SF3B1: variants seen among roughly 807,000 people sequenced by gnomAD.
The protein encoded by SF3B1 is splicing factor 3b subunit 1, also known as pre-mRNA processing 10.
SF3B1 carries 12 observed loss-of-function variants against 153.8 expected under a neutral mutation model. That is an observed-to-expected ratio of 0.08 (90% confidence interval 0.05 to 0.13). SF3B1 has a LOEUF of 0.13. SF3B1 is among the 10% of genes least tolerant of loss of function. The pLI is 1.00. For synonymous variants in SF3B1, 498 were observed against 525.2 expected (o/e 0.95, Z 0.71); for missense variants, 513 against 1,606.1 (o/e 0.32, Z 11.63).
At chr2:197,403,533 C>A (rs913173505) in intron 12 of SF3B1, 52 bp downstream of exon 12, 15 of 1,236,392 alleles carry the variant, frequency 1.2e-5, no homozygotes, top group East Asian at 7.9e-5. Flanking sequence ...CATTGATTAA[C>A]TGAAAAAGTT....
Position 197,412,756 on chromosome 2 carries a change from G to A in SF3B1, c.667-2749C>T, listed in dbSNP as rs187212158. ...TCCCAGCACCTTGGGAGGCCAAGGC[G>A]GGTGGGTCACCTGAGGTTGGGAGTT... On this transcript the variant is annotated intron_variant, in intron 6 of 24. Transcript: ENST00000335508. 1.8e-4 allele frequency among the ~76,000 whole-genome samples: 27 copies of A among 151,238 alleles called. No individual in the cohort carries two copies. In the East Asian group the frequency reaches 3.4e-3, roughly 19 times the overall value.
intron 24 of SF3B1, 46 bp downstream of exon 24, chr2:197,392,926 T>C: frequency 9.0e-7 from 1 of 1,106,680 alleles, no homozygotes; most frequent in Non-Finnish European, 1.3e-6. Context: ...TAAAGTATTA[T>C]TTAAAAAAAA....
intron 4 of SF3B1, chr2:197,419,596 G>C (rs2085208407): frequency 4.5e-6 from 1 of 224,412 alleles, no homozygotes; most frequent in Non-Finnish European, 8.9e-6. Flanking sequence ...AGGATGTGTT[G>C]AACTGCACCC....
rs558644461 is a variant in SF3B1, at chr2:197,431,104, C to CTT, written c.28+3866_28+3867dup. On this transcript the variant is annotated intron_variant, in intron 1 of 24. Coordinates refer to ENST00000335508, the MANE Select transcript of SF3B1 (RefSeq NM_012433.4). ...GATTTCCCCTCCTGTGCCTTTTCTTCTTTTTTTTTTTTTTTTTTTTTTTTT... is the reference window on the plus strand; with the variant it reads ...GATTTCCCCTCCTGTGCCTTTTCTTCTTTTTTTTTTTTTTTTTTTTTTTTTTT... Among the ~76,000 whole-genome samples, 181 of 73,712 alleles carry CTT rather than the reference C, an allele frequency of 2.5e-3. 9 individuals carry two copies. The highest frequency in any genetic ancestry group is 3.5e-3 in the Non-Finnish European group (146 of 41,232). The allele number at this position is 73,712 out of a possible 152,430, so 48.4% of individuals were successfully genotyped here.
Position 197,408,455 on chromosome 2 carries a change from C to A in SF3B1, c.1031G>T (p.Ser344Ile), listed in dbSNP as rs1242817545. 3 of 1,613,968 alleles carry A rather than the reference C, an allele frequency of 1.9e-6. No homozygotes were observed. Among genetic ancestry groups the A allele is most frequent in the Non-Finnish European group, 2.5e-6 (3 of 1,180,030 alleles). The change falls in exon 8 of 25, where the codon AGT (serine) becomes ATT (isoleucine). Residue 344 changes from serine to isoleucine, a missense_variant. This residue lies in a region of SF3B1 where 91 missense variants were observed against 157.4 expected (regional missense o/e 0.58). Coordinates refer to ENST00000335508, the MANE Select transcript of SF3B1 (RefSeq NM_012433.4). ...AACTGGAGTGCTTCCACCCATCTGA[C>A]TAGCTGGTGTTTCATCCCACCGTGA... Reference protein sequence around the residue: ...RKSRWDETPASQMGGSTPVLT... With the variant: ...RKSRWDETPAIQMGGSTPVLT...
At chr2:197,399,053 A>G in intron 20 of SF3B1, 1 of 1,300,670 alleles carries the variant, frequency 7.7e-7, no homozygotes, top group Non-Finnish European at 1.0e-6. Context: ...GAAGAGAGAA[A>G]AAAGGAGGCA....
chr2:197,434,646 T>C (rs1257524280), intron 1 of SF3B1, among the ~76,000 whole-genome samples: 2 of 152,144 alleles, frequency 1.3e-5, no homozygotes, highest in African/African-American at 4.8e-5. Flanking sequence ...AGTGAGACCT[T>C]CTCCCCACGC....
chr2:197,403,823 GCAAATTACT>G, intron 11 of SF3B1, 59 bp from the exon 12 acceptor site: 1 of 1,251,092 alleles, frequency 8.0e-7, no homozygotes, highest in Non-Finnish European at 1.1e-6. Context: ...TTTTGAATGA[GCAAATTACT>G]CAAAGAAGAT....
chr2:197,418,945 T>A (rs199913219), intron 4 of SF3B1: 2 of 1,599,172 alleles, frequency 1.3e-6, no homozygotes, highest in East Asian at 4.5e-5. Context: ...AGCAGCAGAA[T>A]AGAAGCCTAG....
chr2:197,420,615 A>G lies in SF3B1; in HGVS notation c.301-73T>C, dbSNP rs2085225082. 6.4e-6 allele frequency: 6 copies of G among 938,392 alleles called. No homozygotes were observed. In the East Asian group the frequency reaches 1.5e-4, roughly 23 times the overall value. 58.1% of individuals were successfully genotyped at this position (938,392 alleles called of 1,614,324 possible). ...AAACAGAATATCATAAACAAAAATC[A>G]GAACACCATAAAGCACAAATGTTTA... On this transcript the variant is annotated intron_variant, in intron 3 of 24. Coordinates refer to ENST00000335508, the MANE Select transcript of SF3B1 (RefSeq NM_012433.4).
intron 5 of SF3B1, 85 bp from the exon 6 acceptor site, chr2:197,416,996 T>G: frequency 7.6e-7 from 1 of 1,323,626 alleles, no homozygotes. Context: ...CTTAACATCC[T>G]ATTTTATACT....
At chr2:197,412,943 C>T (rs1361216838) in intron 6 of SF3B1, among the ~76,000 whole-genome samples, 1 of 123,596 alleles carries the variant, frequency 8.1e-6, no homozygotes, top group East Asian at 2.4e-4. Flanking sequence ...TCACTCTAGT[C>T]TGGGTGACAG....
At chr2:197,404,195 C>T (rs1364225636) in intron 11 of SF3B1, among the ~76,000 whole-genome samples, 1 of 152,112 alleles carries the variant, frequency 6.6e-6, no homozygotes, top group Admixed American at 6.5e-5. Flanking sequence ...GTGCTAACTC[C>T]AGCTGGGCAC....
chr2:197,400,189 A>T lies in SF3B1; in HGVS notation c.2902-23T>A, dbSNP rs756984275. ...TTCCTATAATAAAACAAATAATGTT[A>T]AAATGTTACTATTTACATTAAACTA... On this transcript the variant is annotated intron_variant, in intron 19 of 24. Transcript: ENST00000335508. This position sits in a 1 kb window ranked among gnomAD's most constrained non-coding sequence, Gnocchi z 5.0. The T allele has an allele frequency of 7.5e-6, 12 of 1,608,926 alleles. No individual in the cohort carries two copies. In the South Asian group the frequency reaches 1.2e-4, roughly 16 times the overall value.
intron 12 of SF3B1, 55 bp from the exon 13 acceptor site, chr2:197,403,090 G>A: frequency 2.4e-6 from 3 of 1,249,812 alleles, no homozygotes; most frequent in Non-Finnish European, 3.5e-6. Context: ...CTGATGAAAT[G>A]CTCATGTACA....
In SF3B1 at chr2:197,418,821, T is replaced by C. The variant is rs115426545; in HGVS notation, c.416-233A>G. ...TTTAAAACAAATATTTTAATGCATA[T>C]AAAAACAAAATGACAGCACAGTTTA... On this transcript the variant is annotated intron_variant, in intron 4 of 24. Coordinates refer to ENST00000335508, the MANE Select transcript of SF3B1 (RefSeq NM_012433.4). The C allele has an allele frequency of 1.1e-3, 1,711 of 1,507,942 alleles. 20 individuals are homozygous for C. The African/African-American group carries it at 0.022, about 19-fold the overall frequency. 93.4% of individuals were successfully genotyped at this position (1,507,942 alleles called of 1,614,324 possible). A position where few individuals can be genotyped will look rare whatever the true frequency, so the allele number is the denominator to read the frequency against.
chr2:197,416,551 T>G, intron 6 of SF3B1, 190 bp downstream of exon 6: 2 of 526,064 alleles, frequency 3.8e-6, no homozygotes, highest in East Asian at 3.1e-5. Context: ...AAGAAAGCCC[T>G]CAACAAACAC....
At chr2:197,396,554 T>G (rs2084876564) in intron 22 of SF3B1, among the ~76,000 whole-genome samples, 1 of 152,164 alleles carries the variant, frequency 6.6e-6, no homozygotes, top group African/African-American at 2.4e-5. Flanking sequence ...AGATCAGAGG[T>G]CATAGCTGTA....
intron 8 of SF3B1, 37 bp downstream of exon 8, chr2:197,408,332 G>A: frequency 6.3e-7 from 1 of 1,579,106 alleles, no homozygotes; most frequent in Non-Finnish European, 8.7e-7. Context: ...ATAATTTATG[G>A]AGAAAAAAAC....
Sources: gnomAD v4.1 joint callset for allele counts (sites outside exome capture counted in the v4.1 genomes callset) on GRCh38, gnomAD v4.1.1 for gene constraint, gnomAD v4.1.1 regional missense constraint, Gnocchi (gnomAD v3.1) non-coding constraint, MANE v1.5 for transcripts, NCBI Gene and HGNC (gene_info 2026-07-23, HGNC 2026-07-21) for gene names.